ZNF277: variants seen among roughly 807,000 people sequenced by gnomAD.
ZNF277 encodes the protein nuclear receptor-interacting factor 4.
In ZNF277, 55 loss-of-function variants were observed where a neutral mutation model predicts 60.7. The observed-to-expected ratio is 0.91, with a 90% CI of 0.73 to 1.13. The LOEUF (loss-of-function observed/expected upper bound fraction) is 1.13, where lower values mean the gene tolerates loss of function less well. Among genes scored for constraint, ZNF277 ranks in the 50% most tolerant of loss-of-function variants. The probability of loss-of-function intolerance (pLI) is 0.00; values close to 1 mark genes in which losing one functional copy is unlikely to be tolerated. For missense variants in ZNF277, 510 were observed against 523.0 expected, an observed-to-expected ratio of 0.98 and a Z score of 0.24; for synonymous variants, 178 against 179.3, an observed-to-expected ratio of 0.99 and a Z score of 0.06.
At chr7:112,324,024 A>G (rs1180024199) in intron 5 of ZNF277, among the ~76,000 whole-genome samples, 1 of 152,218 alleles carries the variant, frequency 6.6e-6, no homozygotes, top group East Asian at 1.9e-4. Flanking sequence ...CCCAAAAGGT[A>G]TTATGTATTT....
chr7:112,265,443 C>T (rs1485953496), intron 1 of ZNF277, among the ~76,000 whole-genome samples: 1 of 152,090 alleles, frequency 6.6e-6, no homozygotes, highest in East Asian at 1.9e-4. Flanking sequence ...CTCCCCAAAA[C>T]GATTACATAA....
chr7:112,315,507 G>A (rs1280617708), intron 4 of ZNF277, among the ~76,000 whole-genome samples: 2 of 152,016 alleles, frequency 1.3e-5, no homozygotes, highest in Non-Finnish European at 2.9e-5. Context: ...GAGCACAACA[G>A]TTTAGAGTCA....
chr7:112,279,909 C>A (rs1479662829), intron 1 of ZNF277, among the ~76,000 whole-genome samples: 2 of 152,090 alleles, frequency 1.3e-5, no homozygotes, highest in African/African-American at 4.8e-5. Context: ...TGTGCTGTTT[C>A]AGGTGTGGCT....
intron 2 of ZNF277, among the ~76,000 whole-genome samples, chr7:112,295,402 AT>A: frequency 6.6e-6 from 1 of 152,216 alleles, no homozygotes; most frequent in South Asian, 2.1e-4. Context: ...TTATATTGAT[AT>A]TGAATTTAGA....
chr7:112,224,457 T>C (rs1446708785), intron 1 of ZNF277, among the ~76,000 whole-genome samples: 1 of 152,178 alleles, frequency 6.6e-6, no homozygotes, highest in African/African-American at 2.4e-5. Flanking sequence ...CAATTCCTAA[T>C]ACAACATGGA....
intron 1 of ZNF277, among the ~76,000 whole-genome samples, chr7:112,249,156 A>G (rs1354178845): frequency 6.6e-6 from 1 of 152,106 alleles, no homozygotes; most frequent in Non-Finnish European, 1.5e-5. Flanking sequence ...AACTGTTCTG[A>G]GCTGTTTGAG....
intron 1 of ZNF277, among the ~76,000 whole-genome samples, chr7:112,220,539 C>T (rs1429715699): frequency 6.6e-6 from 1 of 152,164 alleles, no homozygotes; most frequent in African/African-American, 2.4e-5. Context: ...GCCAGGGCTT[C>T]AATACTGTGG....
rs973402489 is a variant in ZNF277 at position 112,343,742 on chromosome 7, G to A, written c.*1013G>A. Among the ~76,000 whole-genome samples the A allele has an allele frequency of 2.0e-5, 3 of 151,748 alleles. No homozygotes were observed. The highest frequency in any genetic ancestry group is 2.9e-5 in the Non-Finnish European group (2 of 67,938). On this transcript the variant is annotated 3_prime_UTR_variant, in exon 12 of 12. Transcript: ENST00000361822. ...GGAGTTCAAGATCAGCCTGGCCAAC[G>A]TGGCAAAACCCCATCTCTACGAAAA...
At chr7:112,218,351 ATT>A (rs1458963310) in intron 1 of ZNF277, among the ~76,000 whole-genome samples, 2 of 152,186 alleles carry the variant, frequency 1.3e-5, no homozygotes, top group African/African-American at 4.8e-5. Flanking sequence ...GTATTTTAGA[ATT>A]TTTTAATTGA....
chr7:112,256,470 C>G (rs1791312874), intron 1 of ZNF277, among the ~76,000 whole-genome samples: 1 of 140,878 alleles, frequency 7.1e-6, no homozygotes, highest in African/African-American at 2.6e-5. Flanking sequence ...CACTCTGTCA[C>G]CCAGACTAGA....
At chr7:112,276,183 C>T (rs117243326) in intron 1 of ZNF277, among the ~76,000 whole-genome samples, 1,841 of 152,244 alleles carry the variant, frequency 0.012, 8 homozygotes, top group Non-Finnish European at 0.015. Context: ...ACCAACTTCC[C>T]GGCCCATCGT....
chr7:112,327,120 C>A (rs764706044), intron 5 of ZNF277, among the ~76,000 whole-genome samples: 3 of 152,148 alleles, frequency 2.0e-5, no homozygotes, highest in Non-Finnish European at 2.9e-5. Flanking sequence ...GCAGTTGCCT[C>A]TTACTCGTCT....
rs769149550 is a variant in ZNF277, at chr7:112,339,840, T to C, written c.967-3T>C. ...CTTACAGATGTATTCATTCCTTTTT[T>C]AGGATGCACACGAATTTGATCTTCT... is the stretch of plus-strand genomic sequence containing the variant. On this transcript the variant is annotated splice_polypyrimidine_tract_variant and splice_region_variant and intron_variant, in intron 9 of 11. Coordinates refer to ENST00000361822, the MANE Select transcript of ZNF277 (RefSeq NM_021994.3). The C allele has an allele frequency of 1.7e-5, 28 of 1,612,056 alleles. No homozygotes were observed. Among genetic ancestry groups the C allele is most frequent in the Non-Finnish European group, 2.4e-5 (28 of 1,179,574 alleles).
At position 112,296,298 on chromosome 7, in the gene ZNF277, A is replaced by T; in HGVS notation, c.452A>T (p.Gln151Leu). 1.3e-6 allele frequency: 2 copies of T among 1,576,786 alleles called. No individual in the cohort carries two copies. Among genetic ancestry groups the T allele is most frequent in the Non-Finnish European group, 1.7e-6 (2 of 1,157,734 alleles). ...GATAGAATTCTTAGAGAAGAGCTTC[A>T]GAAACAGAGACTGGTAAGAATTGTT... ...PEDRILREEL[Q>L]KQRLREILEQ... The change falls in exon 4 of 12, where the codon CAG (glutamine) becomes CTG (leucine). Residue 151 changes from glutamine (Q) to leucine (L), a missense_variant. Physicochemically the swap from Gln to Leu is moderately radical, Grantham distance 113. Transcript: ENST00000361822.
intron 5 of ZNF277, among the ~76,000 whole-genome samples, chr7:112,320,406 T>C (rs1053183615): frequency 6.6e-6 from 1 of 152,108 alleles, no homozygotes; most frequent in East Asian, 1.9e-4. Context: ...TTTTCATTTA[T>C]GAAAAGCTCA....
intron 1 of ZNF277, among the ~76,000 whole-genome samples, chr7:112,244,016 G>A (rs1489319126): frequency 1.3e-5 from 2 of 152,202 alleles, no homozygotes; most frequent in East Asian, 3.9e-4. Flanking sequence ...GATAGAACTG[G>A]AGGCCATTAT....
At chr7:112,238,953 G>T (rs1490306582) in intron 1 of ZNF277, among the ~76,000 whole-genome samples, 1 of 151,862 alleles carries the variant, frequency 6.6e-6, no homozygotes, top group African/African-American at 2.4e-5. Context: ...GGACCAGAAG[G>T]GTACCCACTG....
intron 1 of ZNF277, among the ~76,000 whole-genome samples, chr7:112,274,350 T>A (rs975655502): frequency 1.3e-5 from 2 of 151,878 alleles, no homozygotes; most frequent in African/African-American, 2.4e-5. Context: ...AAAGACTGAG[T>A]CTTGCCATGT....
At chr7:112,256,421 GT>G (rs779126085) in intron 1 of ZNF277, among the ~76,000 whole-genome samples, 6,127 of 95,316 alleles carry the variant, frequency 0.064, 90 homozygotes, top group African/African-American at 0.16. Context: ...CTTCTTTGGA[GT>G]TTTTTTTTTT....
Sources: allele counts gnomAD v4.1 joint callset (sites outside exome capture counted in the v4.1 genomes callset), GRCh38; gene constraint gnomAD v4.1.1; transcripts MANE v1.5; gene names NCBI Gene and HGNC (gene_info 2026-07-23, HGNC 2026-07-21).